Variants in TTBK2 observed in about 807,000 individuals in gnomAD.
TTBK2 encodes the protein tau tubulin kinase 2.
In TTBK2, 28 loss-of-function variants were observed where a neutral mutation model predicts 110.8. That is an observed-to-expected ratio of 0.25 (90% CI 0.19 to 0.35). The LOEUF (loss-of-function observed/expected upper bound fraction) is 0.35, where lower values mean the gene tolerates loss of function less well. Ranked by LOEUF, TTBK2 falls within the 10% of genes least tolerant of loss-of-function variation. TTBK2 has a pLI of 1.00. For synonymous variants in TTBK2, 532 were observed against 527.3 expected (o/e 1.01, Z -0.12); for missense variants, 1,369 against 1,500.3 (o/e 0.91, Z 1.45).
At chr15:42,913,131 CAAAAAAA>C (rs61404472) in intron 1 of TTBK2, among the ~76,000 whole-genome samples, 2 of 30,908 alleles carry the variant, frequency 6.5e-5, no homozygotes, top group East Asian at 1.0e-3. Flanking sequence ...GACTCCGTCT[CAAAAAAA>C]AAAAAAAAAA....
intron 11 of TTBK2, among the ~76,000 whole-genome samples, chr15:42,780,033 G>A (rs1296942291): frequency 6.6e-6 from 1 of 150,676 alleles, no homozygotes; most frequent in Non-Finnish European, 1.5e-5. Flanking sequence ...CTTTGTTGCT[G>A]TCTGTTTGAG....
Position 42,811,692 on chromosome 15 carries a change from T to C in TTBK2, c.692A>G (p.Asp231Gly). 6.2e-7 allele frequency: 1 copy of C among 1,613,340 alleles called. No individual in the cohort carries two copies. Among genetic ancestry groups the C allele is most frequent in the African/African-American group, 1.3e-5 (1 of 75,022 alleles). ...VGQLPWRKIK[D>G]KEQVGSIKER... ...CATCTCCATTCCCAAAATTACCTTG[T>C]CCTTTATTTTTCTCCAGGGCAGCTG... Residue 231 changes from aspartate to glycine, a missense_variant, in exon 8 of 15, where the codon GAC becomes GGC. Around this residue, in one of 4 missense-constraint regions of TTBK2, gnomAD observed 138 missense variants for 179.0 expected, o/e 0.77. Transcript: ENST00000267890.
intron 3 of TTBK2, among the ~76,000 whole-genome samples, chr15:42,852,318 C>T (rs1893752868): frequency 6.6e-6 from 1 of 152,148 alleles, no homozygotes; most frequent in Admixed American, 6.5e-5. Flanking sequence ...ATCCACCCAC[C>T]TCAACCTCCC....
intron 6 of TTBK2, among the ~76,000 whole-genome samples, chr15:42,825,517 C>A (rs908167252): frequency 1.4e-4 from 22 of 152,182 alleles, no homozygotes; most frequent in African/African-American, 4.8e-4. Context: ...TCAAGACCAG[C>A]CTGGCCAACA....
chr15:42,785,701 G>A (rs932225468), intron 10 of TTBK2, among the ~76,000 whole-genome samples: 1 of 151,492 alleles, frequency 6.6e-6, no homozygotes, highest in Admixed American at 6.6e-5. Context: ...TTCACCAAGT[G>A]AAAAGGCTCC....
chr15:42,799,398 A>G (rs1329939774), intron 9 of TTBK2, among the ~76,000 whole-genome samples: 1 of 151,348 alleles, frequency 6.6e-6, no homozygotes, highest in African/African-American at 2.4e-5. Flanking sequence ...AATCCAAAAC[A>G]CTTCAAATAA....
At chr15:42,747,525 T>G (rs1242701773) in intron 14 of TTBK2, among the ~76,000 whole-genome samples, 1 of 152,134 alleles carries the variant, frequency 6.6e-6, no homozygotes, top group African/African-American at 2.4e-5. Context: ...CAGGCATTAA[T>G]TAGATTCTCA....
intron 3 of TTBK2, among the ~76,000 whole-genome samples, chr15:42,862,641 C>T (rs1894204387): frequency 6.6e-6 from 1 of 152,180 alleles, no homozygotes; most frequent in South Asian, 2.1e-4. Context: ...GTAATCCCAG[C>T]ACTTTGGGAG....
intron 1 of TTBK2, among the ~76,000 whole-genome samples, chr15:42,899,483 G>C (rs1895797804): frequency 6.6e-6 from 1 of 151,282 alleles, no homozygotes; most frequent in Non-Finnish European, 1.5e-5. Context: ...GCTCACGCCT[G>C]TAATCCCAGC....
At chr15:42,794,348 T>C (rs1890838865) in intron 10 of TTBK2, among the ~76,000 whole-genome samples, 1 of 152,194 alleles carries the variant, frequency 6.6e-6, no homozygotes, top group South Asian at 2.1e-4. Flanking sequence ...CCATATGTTA[T>C]TTGGAAACAC....
chr15:42,790,609 TG>T (rs1237982085), intron 10 of TTBK2, among the ~76,000 whole-genome samples: 1 of 151,860 alleles, frequency 6.6e-6, no homozygotes, highest in Admixed American at 6.6e-5. Flanking sequence ...ATAAATAATT[TG>T]GGGGGTGGGT....
chr15:42,789,983 A>G, intron 10 of TTBK2, among the ~76,000 whole-genome samples: 1 of 152,042 alleles, frequency 6.6e-6, no homozygotes, highest in East Asian at 1.9e-4. Flanking sequence ...CAGATACCTT[A>G]TTTGGTCAAC....
At chr15:42,759,872 A>T (rs2061999555) in intron 13 of TTBK2, among the ~76,000 whole-genome samples, 1 of 152,166 alleles carries the variant, frequency 6.6e-6, no homozygotes, top group African/African-American at 2.4e-5. Flanking sequence ...AAATATGACA[A>T]CACCCAAGGA....
intron 10 of TTBK2, 109 bp from the exon 11 acceptor site, chr15:42,783,744 TA>T (rs34530003): frequency 0.07 from 46,523 of 663,690 alleles, no homozygotes; most frequent in Admixed American, 0.077. Flanking sequence ...TTAAGAGAGT[TA>T]AAAAAAAAAA....
At chr15:42,855,833 C>T (rs1039715167) in intron 3 of TTBK2, among the ~76,000 whole-genome samples, 29 of 152,226 alleles carry the variant, frequency 1.9e-4, no homozygotes, top group East Asian at 5.8e-4. Flanking sequence ...TACAGGCGCC[C>T]GCCACCTCGC....
rs147318554 is a variant in TTBK2 at position 42,834,284 on chromosome 15, G to A, written c.292-4206C>T. The stretch of plus-strand genomic sequence containing the variant: ...ATTGTAAATTTGAATTAGAAACATC[G>A]ATATGAACCATGGCATAATTTCTCA... On this transcript the variant is annotated intron_variant, in intron 4 of 14. Coordinates refer to ENST00000267890, the MANE Select transcript of TTBK2 (RefSeq NM_173500.4). Among the ~76,000 whole-genome samples, 581 of 151,838 alleles carry A rather than the reference G, an allele frequency of 3.8e-3. 3 individuals carry two copies. The highest frequency in any genetic ancestry group is 0.014 in the African/African-American group (563 of 41,380).
intron 3 of TTBK2, among the ~76,000 whole-genome samples, chr15:42,862,749 G>A (rs1595996353): frequency 6.6e-6 from 1 of 152,034 alleles, no homozygotes; most frequent in Non-Finnish European, 1.5e-5. Flanking sequence ...TTAGCCAGGC[G>A]TGGTGGCGCA....
intron 13 of TTBK2, among the ~76,000 whole-genome samples, chr15:42,768,265 C>A (rs1286879631): frequency 6.6e-6 from 1 of 152,120 alleles, no homozygotes; most frequent in East Asian, 1.9e-4. Flanking sequence ...CTGGCCAGGG[C>A]AATCAGGCAA....
chr15:42,872,497 T>G, intron 3 of TTBK2, 114 bp downstream of exon 3: 1 of 1,259,012 alleles, frequency 7.9e-7, no homozygotes, highest in Non-Finnish European at 1.1e-6. Context: ...TATACCCGGC[T>G]GACACCAGTA....
Sources: gnomAD v4.1 joint callset for allele counts (sites outside exome capture counted in the v4.1 genomes callset) on GRCh38, gnomAD v4.1.1 for gene constraint, gnomAD v4.1.1 regional missense constraint, MANE v1.5 for transcripts, NCBI Gene and HGNC (gene_info 2026-07-23, HGNC 2026-07-21) for gene names.